Variants in VWA3B observed in about 807,000 individuals in gnomAD.
VWA3B encodes the protein von Willebrand factor A domain containing 3B, also known as von Willebrand factor A domain-containing protein 3B.
In VWA3B, 138 loss-of-function variants were observed where a neutral mutation model predicts 158.3. The observed-to-expected ratio is 0.87, with a 90% CI of 0.76 to 1.00. VWA3B has a LOEUF of 1.00. Ranked by LOEUF, VWA3B falls within the 50% of genes least tolerant of loss-of-function variation. The pLI is 0.00. For synonymous variants in VWA3B, 596 were observed against 587.3 expected, an observed-to-expected ratio of 1.01 and a Z score of -0.21; for missense variants, 1,555 against 1,565.1, an observed-to-expected ratio of 0.99 and a Z score of 0.11.
intron 21 of VWA3B, among the ~76,000 whole-genome samples, chr2:98,257,583 T>G (rs1405337464): frequency 6.6e-6 from 1 of 151,964 alleles, no homozygotes; most frequent in Admixed American, 6.6e-5. Context: ...CTCATGGGTG[T>G]GAAAGGCTAT....
rs145138886 is a variant in VWA3B at position 98,109,355 on chromosome 2, T to C, written c.197-6297T>C. 5.1e-3 allele frequency among the ~76,000 whole-genome samples: 777 copies of C among 152,356 alleles called. 16 individuals carry two copies. The East Asian group carries it at 0.089, about 17-fold the overall frequency. ...AGTGATTGTGCTAGGTGTTACATTA[T>C]GAATACATACATTATCAAAATCTAC... On this transcript the variant is annotated intron_variant, in intron 2 of 27. Coordinates refer to ENST00000477737, the MANE Select transcript of VWA3B (RefSeq NM_144992.5).
intron 20 of VWA3B, among the ~76,000 whole-genome samples, chr2:98,255,235 C>T (rs1332331237): frequency 2.6e-5 from 3 of 114,118 alleles, no homozygotes; most frequent in African/African-American, 1.1e-4. Context: ...TTTCACCATG[C>T]TGGCCAGGCT....
At chr2:98,141,109 G>T (rs1676747092) in intron 7 of VWA3B, among the ~76,000 whole-genome samples, 1 of 152,192 alleles carries the variant, frequency 6.6e-6, no homozygotes, top group Non-Finnish European at 1.5e-5. Context: ...CATTGACTGT[G>T]GTGACACTTT....
chr2:98,279,969 G>T (rs1289966721), intron 22 of VWA3B, among the ~76,000 whole-genome samples: 2 of 152,348 alleles, frequency 1.3e-5, no homozygotes, highest in Middle Eastern at 3.4e-3. Context: ...GAATTCATTT[G>T]CACACCAGTC....
intron 8 of VWA3B, among the ~76,000 whole-genome samples, 198 bp from the exon 9 acceptor site, chr2:98,180,818 G>A (rs960236008): frequency 4.6e-5 from 7 of 152,202 alleles, no homozygotes; most frequent in Non-Finnish European, 1.0e-4. Context: ...TATTAGGTTG[G>A]TGCAAAAGTA....
At chr2:98,264,303 A>G (rs1457965527) in intron 21 of VWA3B, among the ~76,000 whole-genome samples, 4 of 151,946 alleles carry the variant, frequency 2.6e-5, no homozygotes, top group Non-Finnish European at 4.4e-5. Context: ...GTTCCTTGAA[A>G]AGTAAAGTTA....
intron 8 of VWA3B, 145 bp from the exon 9 acceptor site, chr2:98,180,871 T>C (rs1680512866): frequency 2.5e-6 from 2 of 810,770 alleles, no homozygotes; most frequent in African/African-American, 1.7e-5. Context: ...TCTTTGCCAG[T>C]CCTGCTTTGG....
intron 22 of VWA3B, among the ~76,000 whole-genome samples, chr2:98,279,718 A>G (rs938640764): frequency 6.6e-6 from 1 of 152,192 alleles, no homozygotes. Flanking sequence ...CTGGAGCCCT[A>G]GAGAGAAAGA....
At chr2:98,271,995 A>G (rs750317930) in intron 22 of VWA3B, among the ~76,000 whole-genome samples, 6 of 152,234 alleles carry the variant, frequency 3.9e-5, no homozygotes, top group Admixed American at 1.3e-4. Context: ...CACAACAGCA[A>G]TCATCAACAG....
chr2:98,201,556 G>T (rs1032627464), intron 12 of VWA3B, among the ~76,000 whole-genome samples: 1 of 152,066 alleles, frequency 6.6e-6, no homozygotes, highest in Non-Finnish European at 1.5e-5. Flanking sequence ...TACTTGCCTT[G>T]GTCCTGATAT....
At chr2:98,121,173 A>C (rs1283322782) in intron 4 of VWA3B, 126 bp from the exon 5 acceptor site, 1 of 1,221,210 alleles carries the variant, frequency 8.2e-7, no homozygotes, top group South Asian at 1.6e-5. Context: ...GGGAGCTATG[A>C]TTTCTTTCTT....
intron 26 of VWA3B, 150 bp from the exon 27 acceptor site, chr2:98,311,668 AG>A (rs1184181928): frequency 1.1e-6 from 1 of 920,864 alleles, no homozygotes; most frequent in Admixed American, 2.9e-5. Context: ...CCCAGCCTAA[AG>A]CATTGGGTTC....
At chr2:98,230,551 G>T (rs1017230912) in intron 16 of VWA3B, among the ~76,000 whole-genome samples, 16 of 151,884 alleles carry the variant, frequency 1.1e-4, no homozygotes, top group African/African-American at 3.9e-4. Context: ...GTGTGTTTAG[G>T]TCTACACGGT....
At chr2:98,247,050 T>C (rs1443650883) in intron 19 of VWA3B, among the ~76,000 whole-genome samples, 1 of 151,934 alleles carries the variant, frequency 6.6e-6, no homozygotes, top group East Asian at 1.9e-4. Flanking sequence ...CAGGCTGCAG[T>C]GTAGTGGTGT....
chr2:98,150,617 C>T (rs1455323718), intron 7 of VWA3B, among the ~76,000 whole-genome samples: 4 of 152,128 alleles, frequency 2.6e-5, no homozygotes, highest in African/African-American at 7.2e-5. Context: ...TGTCTAAAGA[C>T]CCTTTTGCCC....
intron 19 of VWA3B, among the ~76,000 whole-genome samples, chr2:98,241,405 G>C (rs897100823): frequency 6.6e-6 from 1 of 152,002 alleles, no homozygotes; most frequent in African/African-American, 2.4e-5. Context: ...CTGGCACACA[G>C]AGAATAGTTG....
chr2:98,252,283 G>A (rs542281497), intron 20 of VWA3B, among the ~76,000 whole-genome samples: 29 of 152,288 alleles, frequency 1.9e-4, no homozygotes, highest in South Asian at 2.1e-4. Flanking sequence ...CCTAGCAGGC[G>A]TCTGTGTGTA....
Position 98,312,726 on chromosome 2 carries a change from T to G in VWA3B, c.*377T>G. The G allele has an allele frequency of 5.6e-6, 1 of 179,054 alleles. No homozygotes were observed. The allele number at this position is 179,054 out of a possible 1,614,324, so 11.1% of individuals were successfully genotyped here. ...GCCCGCAATCTTGTTTTAAATTAAT[T>G]ATCACATCTAAATTAGAGAATTTGT... On this transcript the variant is annotated 3_prime_UTR_variant, in exon 28 of 28. Coordinates refer to ENST00000477737, the MANE Select transcript of VWA3B (RefSeq NM_144992.5).
At chr2:98,249,673 G>C (rs955458337) in intron 19 of VWA3B, among the ~76,000 whole-genome samples, 1 of 152,034 alleles carries the variant, frequency 6.6e-6, no homozygotes, top group Non-Finnish European at 1.5e-5. Flanking sequence ...GTAAGTACCA[G>C]GCACAGAGAG....
Sources: gnomAD v4.1 joint callset for allele counts (sites outside exome capture counted in the v4.1 genomes callset) on GRCh38, gnomAD v4.1.1 for gene constraint, MANE v1.5 for transcripts, NCBI Gene and HGNC (gene_info 2026-07-23, HGNC 2026-07-21) for gene names.